Variants in GLIS3 observed in about 807,000 individuals in gnomAD.
GLIS3 encodes zinc finger protein GLIS3.
A neutral mutation model predicts 78.6 loss-of-function variants in GLIS3; 53 were observed. That is an observed-to-expected ratio of 0.67 (90% CI 0.54 to 0.85). The LOEUF (loss-of-function observed/expected upper bound fraction) is 0.85, where lower values mean the gene tolerates loss of function less well. GLIS3 is among the 40% of genes least tolerant of loss of function. The probability of loss-of-function intolerance (pLI) is 0.00; values close to 1 mark genes in which losing one functional copy is unlikely to be tolerated. For missense variants in GLIS3, 1,703 were observed against 1,231.1 expected (o/e 1.38, Z -5.74); for synonymous variants, 684 against 509.9 (o/e 1.34, Z -4.60).
chr9:4,225,169 T>G (rs1316497055), intron 2 of GLIS3, among the ~76,000 whole-genome samples: 1 of 152,040 alleles, frequency 6.6e-6, no homozygotes, highest in East Asian at 1.9e-4. Context: ...AGTTGGTAAG[T>G]TAATAAGATG....
chr9:3,972,916 C>T (rs901544307), intron 4 of GLIS3, among the ~76,000 whole-genome samples: 5 of 152,082 alleles, frequency 3.3e-5, no homozygotes, highest in East Asian at 1.9e-4. Flanking sequence ...TCTCTTCTGA[C>T]GCTGATTGCA....
chr9:4,048,918 A>C (rs371010566), intron 4 of GLIS3, among the ~76,000 whole-genome samples: 24 of 152,352 alleles, frequency 1.6e-4, no homozygotes, highest in African/African-American at 5.5e-4. Context: ...ACCCTACTGC[A>C]TGCTTTCACT....
At chr9:4,265,064 C>G (rs554888564) in intron 2 of GLIS3, among the ~76,000 whole-genome samples, 99 of 150,080 alleles carry the variant, frequency 6.6e-4, no homozygotes, top group African/African-American at 2.4e-3. Context: ...CCCAGCTACT[C>G]GGGAGGCTGA....
the GLIS3 span, among the ~76,000 whole-genome samples, chr9:4,467,410 C>A: frequency 6.6e-6 from 1 of 152,252 alleles, no homozygotes; most frequent in South Asian, 2.1e-4. Flanking sequence ...CTCATATGGC[C>A]ACAGGACCCT....
At chr9:3,846,635 T>G (rs1819061929) in intron 9 of GLIS3, among the ~76,000 whole-genome samples, 1 of 152,104 alleles carries the variant, frequency 6.6e-6, no homozygotes, top group Non-Finnish European at 1.5e-5. Context: ...ACTGAAAATG[T>G]TTTCTTAAGC....
At chr9:4,073,388 A>G (rs962584314) in intron 4 of GLIS3, among the ~76,000 whole-genome samples, 7 of 152,180 alleles carry the variant, frequency 4.6e-5, no homozygotes, top group African/African-American at 1.7e-4. Flanking sequence ...AAGATCTTGG[A>G]TGGAGCCTAG....
chr9:4,078,066 ACCC>A (rs1828229452), intron 4 of GLIS3, among the ~76,000 whole-genome samples: 1 of 151,994 alleles, frequency 6.6e-6, no homozygotes, highest in Non-Finnish European at 1.5e-5. Flanking sequence ...TCTTCATTGG[ACCC>A]TGAATGATAT....
chr9:4,136,009 G>A (rs1040215143), intron 2 of GLIS3, among the ~76,000 whole-genome samples: 2 of 152,158 alleles, frequency 1.3e-5, no homozygotes, highest in African/African-American at 4.8e-5. Flanking sequence ...ATACAGTAAG[G>A]CATGGCTAAA....
chr9:3,995,923 A>C (rs1169350705), intron 4 of GLIS3, among the ~76,000 whole-genome samples: 1 of 152,196 alleles, frequency 6.6e-6, no homozygotes, highest in African/African-American at 2.4e-5. Flanking sequence ...ACTTTCCTGA[A>C]TTCAAAAAGA....
chr9:3,936,930 C>T (rs2130794386), intron 5 of GLIS3, 98 bp downstream of exon 5: 1 of 1,524,874 alleles, frequency 6.6e-7, no homozygotes, highest in Admixed American at 1.7e-5. Flanking sequence ...CTGTAACCTG[C>T]AGACCATAAA....
intron 4 of GLIS3, among the ~76,000 whole-genome samples, chr9:4,040,049 C>G (rs1470138705): frequency 6.6e-6 from 1 of 152,058 alleles, no homozygotes; most frequent in Non-Finnish European, 1.5e-5. Context: ...TAACTGAGAC[C>G]TCCTGTTTAA....
chr9:4,008,740 C>G (rs1029819661), intron 4 of GLIS3, among the ~76,000 whole-genome samples: 1 of 152,078 alleles, frequency 6.6e-6, no homozygotes, highest in Non-Finnish European at 1.5e-5. Context: ...GGCTTCTGAC[C>G]CTGGTCTAAA....
Position 4,238,452 on chromosome 9 carries a change from T to C in GLIS3, c.388+47586A>G, listed in dbSNP as rs554956318. Among the ~76,000 whole-genome samples the C allele has an allele frequency of 6.6e-5, 10 of 152,182 alleles. No individual in the cohort carries two copies. In the South Asian group the frequency reaches 2.1e-3, roughly 31 times the overall value. ...TCCCCCAACATTCTAACTTCCTTCC[T>C]GAAATACACCTAGACCTAGCAGTTT... On this transcript the variant is annotated intron_variant, in intron 2 of 10. Coordinates refer to ENST00000381971, the MANE Select transcript of GLIS3 (RefSeq NM_001042413.2).
chr9:4,182,620 G>A (rs1007276249), intron 2 of GLIS3, among the ~76,000 whole-genome samples: 7 of 152,110 alleles, frequency 4.6e-5, no homozygotes, highest in Admixed American at 2.0e-4. Flanking sequence ...AGATTCAATC[G>A]CACTCACTCT....
At chr9:4,243,676 T>C (rs1242733569) in intron 2 of GLIS3, among the ~76,000 whole-genome samples, 1 of 152,206 alleles carries the variant, frequency 6.6e-6, no homozygotes, top group Non-Finnish European at 1.5e-5. Context: ...AACATCATTG[T>C]GGATCACTAA....
chr9:4,263,164 G>A (rs1262656734), intron 2 of GLIS3, among the ~76,000 whole-genome samples: 1 of 152,136 alleles, frequency 6.6e-6, no homozygotes, highest in Non-Finnish European at 1.5e-5. Context: ...TTTTAAAAGT[G>A]TTCCACATTC....
the GLIS3 span, among the ~76,000 whole-genome samples, chr9:4,482,575 A>C: frequency 6.6e-6 from 1 of 152,216 alleles, no homozygotes; most frequent in South Asian, 2.1e-4. Context: ...AGGACAAAGC[A>C]ATCAACCATA....
chr9:4,303,869 C>T (rs569391747), upstream of GLIS3, among the ~76,000 whole-genome samples: 28 of 152,322 alleles, frequency 1.8e-4, 1 homozygote, highest in South Asian at 5.2e-3. Flanking sequence ...TACAATATTC[C>T]GCAGGCAGCC....
At chr9:4,393,741 C>T in the GLIS3 span, among the ~76,000 whole-genome samples, 1 of 152,292 alleles carries the variant, frequency 6.6e-6, no homozygotes, top group Admixed American at 6.5e-5. Context: ...TAATTGCTGT[C>T]CTTCTGCGTA....
Sources: allele counts gnomAD v4.1 joint callset (sites outside exome capture counted in the v4.1 genomes callset), GRCh38; gene constraint gnomAD v4.1.1; transcripts MANE v1.5; gene names NCBI Gene and HGNC (gene_info 2026-07-23, HGNC 2026-07-21).